The following GRB10 variants were observed in gnomAD, a reference collection of about 807,000 sequenced individuals.
GRB10 encodes growth factor receptor bound protein 10.
Under a neutral mutation model 80.9 loss-of-function variants are expected in GRB10, and 20 were observed. The ratio of observed to expected loss-of-function variants is 0.25; its 90% CI spans 0.17 to 0.36. GRB10 has a LOEUF of 0.36. Among genes scored for constraint, GRB10 ranks in the 10% least tolerant of loss-of-function variants. The probability of loss-of-function intolerance (pLI) is 1.00; values close to 1 mark genes in which losing one functional copy is unlikely to be tolerated. For synonymous variants in GRB10, 291 were observed against 291.5 expected (o/e 1.00, Z 0.02); for missense variants, 548 against 747.7 (o/e 0.73, Z 3.12).
chr7:50,792,603 C>G, intron 1 of GRB10: 2 of 398,038 alleles, frequency 5.0e-6, no homozygotes, highest in East Asian at 7.1e-5. Context: ...GAGCCCTCAA[C>G]TTGGTGTTAG....
chr7:50,635,069 C>A (rs547007939), intron 7 of GRB10, among the ~76,000 whole-genome samples: 3 of 136,822 alleles, frequency 2.2e-5, no homozygotes, highest in East Asian at 2.1e-4. Flanking sequence ...TGCTACCCAG[C>A]ACCTGCAGAA....
intron 7 of GRB10, among the ~76,000 whole-genome samples, chr7:50,665,850 GC>G (rs920281694): frequency 6.6e-6 from 1 of 152,174 alleles, no homozygotes; most frequent in African/African-American, 2.4e-5. Flanking sequence ...ATCAGAAGTA[GC>G]CCCCTTTGCG....
intron 5 of GRB10, 130 bp from the exon 6 acceptor site, chr7:50,674,788 G>A (rs1052280098): frequency 1.2e-5 from 9 of 756,886 alleles, no homozygotes; most frequent in African/African-American, 1.7e-5. Context: ...GGGGTAGAGG[G>A]GAAACACCAA....
intron 2 of GRB10, among the ~76,000 whole-genome samples, chr7:50,756,470 A>G (rs1279441234): frequency 6.6e-6 from 1 of 152,198 alleles, no homozygotes; most frequent in East Asian, 1.9e-4. Flanking sequence ...ACCTGCCTCC[A>G]TGTCAGACCT....
At chr7:50,650,176 G>A (rs2057829080) in intron 7 of GRB10, among the ~76,000 whole-genome samples, 1 of 152,194 alleles carries the variant, frequency 6.6e-6, no homozygotes, top group African/African-American at 2.4e-5. Flanking sequence ...AAAACACTTA[G>A]GGAAGCAAGT....
At chr7:50,774,707 T>C (rs573628305) in intron 2 of GRB10, among the ~76,000 whole-genome samples, 1 of 152,250 alleles carries the variant, frequency 6.6e-6, no homozygotes, top group South Asian at 2.1e-4. Context: ...CCCAAATTTA[T>C]GTCTTTCTCA....
intron 7 of GRB10, among the ~76,000 whole-genome samples, chr7:50,659,520 C>T (rs559694177): frequency 6.6e-6 from 1 of 152,336 alleles, no homozygotes; most frequent in African/African-American, 2.4e-5. Flanking sequence ...AACCTGCCAA[C>T]GCTCAAGGCT....
intron 5 of GRB10, among the ~76,000 whole-genome samples, chr7:50,694,781 T>C (rs2063239265): frequency 6.6e-6 from 1 of 152,194 alleles, no homozygotes; most frequent in Admixed American, 6.5e-5. Context: ...CAATCATTCA[T>C]TTCAAATATT....
At chr7:50,710,713 G>C (rs183581235) in intron 4 of GRB10, among the ~76,000 whole-genome samples, 11 of 152,234 alleles carry the variant, frequency 7.2e-5, no homozygotes, top group African/African-American at 2.6e-4. Flanking sequence ...GTTAGTCTTG[G>C]GACTCAGGGC....
chr7:50,717,673 G>A (rs1490676227), intron 4 of GRB10, among the ~76,000 whole-genome samples: 3 of 152,134 alleles, frequency 2.0e-5, no homozygotes, highest in Non-Finnish European at 2.9e-5. Context: ...TAGGAACCTC[G>A]TTCATTATCA....
intron 3 of GRB10, among the ~76,000 whole-genome samples, chr7:50,748,889 G>C (rs932595934): frequency 1.3e-5 from 2 of 152,120 alleles, no homozygotes; most frequent in African/African-American, 4.8e-5. Flanking sequence ...AAAGCTACCA[G>C]GACATTTATT....
intron 3 of GRB10, among the ~76,000 whole-genome samples, chr7:50,736,428 T>C (rs1310869399): frequency 6.6e-6 from 1 of 152,102 alleles, no homozygotes; most frequent in African/African-American, 2.4e-5. Context: ...TCCTCACATA[T>C]ATGGTCAACT....
intron 8 of GRB10, among the ~76,000 whole-genome samples, chr7:50,623,150 G>A (rs1186745157): frequency 1.3e-5 from 2 of 152,148 alleles, no homozygotes; most frequent in Non-Finnish European, 2.9e-5. Flanking sequence ...GCCTCAGCTG[G>A]ACTTACTGTC....
At chr7:50,739,258 T>A (rs1011218209) in intron 3 of GRB10, among the ~76,000 whole-genome samples, 2 of 152,216 alleles carry the variant, frequency 1.3e-5, no homozygotes, top group Non-Finnish European at 2.9e-5. Context: ...TTCAAAAATG[T>A]TGCACCCAAT....
rs543173408 is a variant in GRB10 at position 50,680,892 on chromosome 7, G to A, written c.140-6234C>T. On this transcript the variant is annotated intron_variant, in intron 5 of 18. Transcript: ENST00000401949. ...TATATCCAATTCCCTGAGGGCAGGG[G>A]CATTGTCTTCTGCTACCTTGAAACT... is the stretch of plus-strand genomic sequence containing the variant. Among the ~76,000 whole-genome samples, 40 of 152,122 alleles carry A rather than the reference G, an allele frequency of 2.6e-4. 1 individual carries two copies. In the South Asian group the frequency reaches 6.6e-3, roughly 25 times the overall value.
At chr7:50,738,210 T>A (rs2071138620) in intron 3 of GRB10, among the ~76,000 whole-genome samples, 1 of 152,144 alleles carries the variant, frequency 6.6e-6, no homozygotes, top group South Asian at 2.1e-4. Flanking sequence ...ATATGGTGAT[T>A]CCTCAAAAAT....
At chr7:50,790,985 C>G (rs767901013) in intron 1 of GRB10, among the ~76,000 whole-genome samples, 3 of 152,190 alleles carry the variant, frequency 2.0e-5, no homozygotes, top group Non-Finnish European at 4.4e-5. Flanking sequence ...TAAACTGGGT[C>G]AGGGCTGCCC....
intron 8 of GRB10, among the ~76,000 whole-genome samples, chr7:50,624,871 CT>C (rs34475056): frequency 1.1e-3 from 163 of 147,848 alleles, no homozygotes; most frequent in Middle Eastern, 3.5e-3. Context: ...AAATATTCCT[CT>C]TTTTTTTTTA....
At chr7:50,778,033 C>A (rs2077884928) in intron 2 of GRB10, among the ~76,000 whole-genome samples, 1 of 151,864 alleles carries the variant, frequency 6.6e-6, no homozygotes, top group African/African-American at 2.4e-5. Context: ...ACACGTATAC[C>A]TATGTAGCAA....
Sources: allele counts gnomAD v4.1 joint callset (sites outside exome capture counted in the v4.1 genomes callset), GRCh38; gene constraint gnomAD v4.1.1; transcripts MANE v1.5; gene names NCBI Gene and HGNC (gene_info 2026-07-23, HGNC 2026-07-21).